Variants in DNMBP observed in about 807,000 individuals in gnomAD.
The protein encoded by DNMBP is dynamin-binding protein.
DNMBP carries 87 observed loss-of-function variants against 150.0 expected under a neutral mutation model. That is an observed-to-expected ratio of 0.58 (90% CI 0.49 to 0.69). The LOEUF (loss-of-function observed/expected upper bound fraction) is 0.69, where lower values mean the gene tolerates loss of function less well. Ranked by LOEUF, DNMBP falls within the 30% of genes least tolerant of loss-of-function variation. DNMBP has a pLI of 0.00. For synonymous variants in DNMBP, 711 were observed against 750.4 expected, an observed-to-expected ratio of 0.95 and a Z score of 0.86; for missense variants, 1,774 against 1,949.0, an observed-to-expected ratio of 0.91 and a Z score of 1.69.
chr10:99,877,646 C>T (rs372697251), intron 16 of DNMBP, among the ~76,000 whole-genome samples: 38 of 152,054 alleles, frequency 2.5e-4, no homozygotes, highest in African/African-American at 8.7e-4. Flanking sequence ...GGTGGATCAC[C>T]TGAAGTTGGG....
intron 2 of DNMBP, among the ~76,000 whole-genome samples, chr10:99,969,875 G>C (rs972216381): frequency 3.3e-5 from 5 of 152,110 alleles, no homozygotes; most frequent in African/African-American, 1.2e-4. Context: ...ATGCTTCCCT[G>C]CCTTCAGTTT....
chr10:99,907,560 G>A (rs1169043408), intron 6 of DNMBP, among the ~76,000 whole-genome samples: 3 of 151,756 alleles, frequency 2.0e-5, no homozygotes, highest in Admixed American at 6.6e-5. Context: ...CCATGACCAC[G>A]CCCAGCTCTA....
At chr10:99,883,638 C>CAAAAAAAAAAAAAAAAAAAAAA (rs71009782) in intron 15 of DNMBP, among the ~76,000 whole-genome samples, 10 of 65,614 alleles carry the variant, frequency 1.5e-4, no homozygotes, top group African/African-American at 5.0e-4. Flanking sequence ...AAGACTGCCA[C>CAAAAAAAAAAAAAAAAAAAAAA]AAAAAAAAAA....
chr10:99,918,440 C>A (rs2039990139), intron 4 of DNMBP, among the ~76,000 whole-genome samples: 1 of 152,052 alleles, frequency 6.6e-6, no homozygotes, highest in Non-Finnish European at 1.5e-5. Flanking sequence ...GAAGTAAAAT[C>A]CCTGCTGGGA....
At chr10:99,909,205 A>T in intron 4 of DNMBP, 59 bp from the exon 5 acceptor site, 1 of 1,400,236 alleles carries the variant, frequency 7.1e-7, no homozygotes, top group Non-Finnish European at 9.8e-7. Flanking sequence ...ACCCTTCCAC[A>T]GTTTGAGGCA....
intron 4 of DNMBP, among the ~76,000 whole-genome samples, chr10:99,923,918 C>T (rs888130124): frequency 3.3e-5 from 5 of 152,164 alleles, no homozygotes; most frequent in African/African-American, 1.2e-4. Flanking sequence ...CTTCGGGGGC[C>T]GAGATGGGTG....
At chr10:100,000,075 A>G (rs1003206944) in intron 1 of DNMBP, among the ~76,000 whole-genome samples, 5 of 152,208 alleles carry the variant, frequency 3.3e-5, no homozygotes, top group African/African-American at 1.2e-4. Context: ...TATAATTTGA[A>G]GACTTGCTTT....
At chr10:100,004,189 G>C (rs777163771) in intron 1 of DNMBP, among the ~76,000 whole-genome samples, 2 of 151,600 alleles carry the variant, frequency 1.3e-5, no homozygotes, top group Admixed American at 6.6e-5. Context: ...AGGCTGCAGT[G>C]AGCCGTGATG....
At chr10:99,946,891 C>T (rs2040363401) in intron 4 of DNMBP, among the ~76,000 whole-genome samples, 1 of 151,966 alleles carries the variant, frequency 6.6e-6, no homozygotes, top group Non-Finnish European at 1.5e-5. Flanking sequence ...AAAACAACCC[C>T]CCTAAACACT....
chr10:99,892,012 G>A (rs557418456), intron 11 of DNMBP, among the ~76,000 whole-genome samples: 5 of 141,566 alleles, frequency 3.5e-5, no homozygotes, highest in Non-Finnish European at 6.1e-5. Flanking sequence ...GAGCCCCTCT[G>A]CCCGGCCAGC....
chr10:100,007,837 T>C (rs2041091996), intron 1 of DNMBP, among the ~76,000 whole-genome samples: 1 of 152,246 alleles, frequency 6.6e-6, no homozygotes, highest in African/African-American at 2.4e-5. Context: ...CCAACAAGAC[T>C]AAGTTAACCA....
intron 3 of DNMBP, among the ~76,000 whole-genome samples, chr10:99,961,110 T>C (rs2040558806): frequency 6.6e-6 from 1 of 151,840 alleles, no homozygotes. Flanking sequence ...ATGATGCCTT[T>C]TGCATGGCAA....
intron 4 of DNMBP, among the ~76,000 whole-genome samples, chr10:99,925,543 G>A (rs1315137363): frequency 6.6e-6 from 1 of 152,152 alleles, no homozygotes; most frequent in South Asian, 2.1e-4. Flanking sequence ...AGCCTCCGGA[G>A]TAGCTGGGAC....
intron 11 of DNMBP, among the ~76,000 whole-genome samples, chr10:99,894,385 G>A (rs1239139475): frequency 2.6e-5 from 4 of 152,204 alleles, no homozygotes; most frequent in Non-Finnish European, 5.9e-5. Flanking sequence ...ACCTCAGGGA[G>A]GAAGCATTGC....
At chr10:99,887,686 T>C (rs2039490696) in intron 12 of DNMBP, among the ~76,000 whole-genome samples, 1 of 152,150 alleles carries the variant, frequency 6.6e-6, no homozygotes, top group South Asian at 2.1e-4. Context: ...GCTCCCCAGG[T>C]GGGCATGTCT....
chr10:99,896,411 C>T lies in DNMBP; in HGVS notation c.2921-14G>A. On this transcript the variant is annotated splice_polypyrimidine_tract_variant and intron_variant, in intron 9 of 16. Coordinates refer to ENST00000324109, the MANE Select transcript of DNMBP (RefSeq NM_015221.4). ...GGTACTTGAGGACTAGGGAGTAAGTCAGAAAAGCACTTTCCTCAGCATGGG... is the reference window on the plus strand; with the variant it reads ...GGTACTTGAGGACTAGGGAGTAAGTTAGAAAAGCACTTTCCTCAGCATGGG... 3 of 1,613,882 alleles carry T rather than the reference C, an allele frequency of 1.9e-6. No homozygotes were observed. In the East Asian group the frequency reaches 6.7e-5, roughly 36 times the overall value.
At chr10:99,980,590 T>C (rs1474118067) in intron 1 of DNMBP, among the ~76,000 whole-genome samples, 1 of 151,860 alleles carries the variant, frequency 6.6e-6, no homozygotes, top group African/African-American at 2.4e-5. Context: ...AGAGGATCAC[T>C]TGAGCCCAGA....
At chr10:99,980,301 G>T (rs911569729) in intron 1 of DNMBP, among the ~76,000 whole-genome samples, 2 of 152,048 alleles carry the variant, frequency 1.3e-5, no homozygotes, top group East Asian at 3.9e-4. Flanking sequence ...AAAAAAATTA[G>T]CCAAGTGTGG....
intron 4 of DNMBP, among the ~76,000 whole-genome samples, chr10:99,917,038 A>G (rs963131129): frequency 6.6e-6 from 1 of 152,040 alleles, no homozygotes; most frequent in African/African-American, 2.4e-5. Flanking sequence ...CCAGGTAAAT[A>G]AACTATGGCA....
Sources: gnomAD v4.1 joint callset for allele counts (sites outside exome capture counted in the v4.1 genomes callset) on GRCh38, gnomAD v4.1.1 for gene constraint, MANE v1.5 for transcripts, NCBI Gene and HGNC (gene_info 2026-07-23, HGNC 2026-07-21) for gene names.